Variants in SLC8A1 observed in about 807,000 individuals in gnomAD.
SLC8A1 encodes the protein solute carrier family 8 member A1, also known as sodium/calcium exchanger 1.
Under a neutral mutation model 68.3 loss-of-function variants are expected in SLC8A1, and 18 were observed. The ratio of observed to expected loss-of-function variants is 0.26; its 90% CI spans 0.18 to 0.39. SLC8A1 has a LOEUF of 0.39. Among genes scored for constraint, SLC8A1 ranks in the 10% least tolerant of loss-of-function variants. The pLI, the probability that SLC8A1 is intolerant of heterozygous loss-of-function variation, is 1.00. For synonymous variants in SLC8A1, 475 were observed against 415.5 expected (o/e 1.14, Z -1.74); for missense variants, 985 against 1,156.7 (o/e 0.85, Z 2.15).
chr2:40,480,071 G>C (rs1411139627), intron 1 of SLC8A1, among the ~76,000 whole-genome samples: 1 of 152,076 alleles, frequency 6.6e-6, no homozygotes, highest in Non-Finnish European at 1.5e-5. Context: ...AACAGTGCAC[G>C]TTTATTGTTT....
intron 2 of SLC8A1, among the ~76,000 whole-genome samples, chr2:40,241,112 C>A (rs1240404611): frequency 6.6e-6 from 1 of 152,110 alleles, no homozygotes; most frequent in Non-Finnish European, 1.5e-5. Flanking sequence ...TGCCCATCAA[C>A]AGTGGATTGG....
intron 2 of SLC8A1, among the ~76,000 whole-genome samples, chr2:40,218,714 CA>C (rs1396011632): frequency 7.5e-5 from 10 of 133,076 alleles, no homozygotes; most frequent in African/African-American, 2.6e-4. Context: ...AAGATGAAAA[CA>C]TTCTTCTGGG....
intron 2 of SLC8A1, among the ~76,000 whole-genome samples, chr2:40,361,072 G>C (rs1375020839): frequency 6.6e-6 from 1 of 152,158 alleles, no homozygotes; most frequent in East Asian, 1.9e-4. Context: ...ATCAGATAGA[G>C]TAGAGAAAAG....
chr2:40,365,847 A>AAT (rs1354270344), intron 2 of SLC8A1, among the ~76,000 whole-genome samples: 1 of 151,852 alleles, frequency 6.6e-6, no homozygotes, highest in African/African-American at 2.4e-5. Context: ...CAAAAAATTA[A>AAT]ATATATATAT....
intron 2 of SLC8A1, among the ~76,000 whole-genome samples, chr2:40,316,841 G>A: frequency 6.6e-6 from 1 of 151,888 alleles, no homozygotes. Flanking sequence ...TGTAATCTTA[G>A]TCTCATAGGG....
chr2:40,358,413 G>T (rs1203681265), intron 2 of SLC8A1, among the ~76,000 whole-genome samples: 2 of 152,102 alleles, frequency 1.3e-5, no homozygotes, highest in South Asian at 2.1e-4. Context: ...ATCGTTTCAG[G>T]TACTTAGGAA....
chr2:40,485,184 G>A (rs747469996), intron 1 of SLC8A1, among the ~76,000 whole-genome samples: 25 of 152,172 alleles, frequency 1.6e-4, no homozygotes, highest in Admixed American at 3.3e-4. Flanking sequence ...TCACGCCGCA[G>A]ACAACCTCAA....
intron 2 of SLC8A1, among the ~76,000 whole-genome samples, chr2:40,329,977 C>T (rs1167180743): frequency 6.6e-6 from 1 of 152,132 alleles, no homozygotes; most frequent in African/African-American, 2.4e-5. Flanking sequence ...ACAAGACAGC[C>T]AAGCTATTTA....
chr2:40,360,523 G>A lies in SLC8A1; in HGVS notation c.1808+67950C>T, dbSNP rs116080070. Reference sequence around the variant, plus strand: ...AACACTTCCTGAGAATGTACTGTGTGCCAGCCTGTTCTAAGCACTTTGCTT... The same window carrying A: ...AACACTTCCTGAGAATGTACTGTGTACCAGCCTGTTCTAAGCACTTTGCTT... On this transcript the variant is annotated intron_variant, in intron 2 of 7. Transcript: ENST00000406785. Among the ~76,000 whole-genome samples, 627 of 152,192 alleles carry A rather than the reference G, an allele frequency of 4.1e-3. 5 individuals carry two copies. The highest frequency in any genetic ancestry group is 0.014 in the African/African-American group (600 of 41,520).
intron 2 of SLC8A1, among the ~76,000 whole-genome samples, chr2:40,381,923 T>G (rs1247698684): frequency 1.3e-5 from 2 of 152,008 alleles, no homozygotes; most frequent in Non-Finnish European, 2.9e-5. Flanking sequence ...CTTACATTTC[T>G]TCCCTGCTCT....
chr2:40,195,359 G>A (rs1328733446), intron 2 of SLC8A1, among the ~76,000 whole-genome samples: 1 of 151,972 alleles, frequency 6.6e-6, no homozygotes, highest in East Asian at 1.9e-4. Flanking sequence ...GGGATGCTGA[G>A]GCTCAGAGGA....
intron 2 of SLC8A1, among the ~76,000 whole-genome samples, chr2:40,333,083 C>G (rs1412075791): frequency 6.6e-6 from 1 of 152,128 alleles, no homozygotes; most frequent in Non-Finnish European, 1.5e-5. Flanking sequence ...AAAATTGATT[C>G]AGCAGAATGG....
chr2:40,164,018 G>T (rs373606), intron 5 of SLC8A1, among the ~76,000 whole-genome samples: 10,189 of 152,220 alleles, frequency 0.067, 525 homozygotes, highest in East Asian at 0.16. Flanking sequence ...AAGTAAGCAG[G>T]TAAAATACTG....
At chr2:40,156,352 C>T (rs72937256) in intron 6 of SLC8A1, among the ~76,000 whole-genome samples, 2,945 of 135,528 alleles carry the variant, frequency 0.022, 107 homozygotes, top group African/African-American at 0.073. Flanking sequence ...AGAACCAAAA[C>T]TGCTGGAGTT....
chr2:40,122,288 C>T (rs980728931), intron 7 of SLC8A1, among the ~76,000 whole-genome samples: 2 of 151,980 alleles, frequency 1.3e-5, no homozygotes, highest in African/African-American at 4.8e-5. Context: ...CATCATTTGG[C>T]TTCCAAGTGA....
chr2:40,299,988 T>G (rs727477), intron 2 of SLC8A1, among the ~76,000 whole-genome samples: 60,955 of 151,848 alleles, frequency 0.4, 13,402 homozygotes, highest in African/African-American at 0.58. Flanking sequence ...GGGAAAGGAA[T>G]TGCGCATACA....
chr2:40,259,138 G>A (rs1338401388), intron 2 of SLC8A1, among the ~76,000 whole-genome samples: 4 of 152,174 alleles, frequency 2.6e-5, no homozygotes, highest in African/African-American at 9.7e-5. Context: ...ATGGCTCAGA[G>A]TTGAAATGGA....
At chr2:40,102,724 C>T (rs560285545) in exon 8 of SLC8A1, 10 of 152,220 alleles carry the variant, frequency 6.6e-5, no homozygotes, top group African/African-American at 1.4e-4. Flanking sequence ...GGCAGACATC[C>T]GCTGAAAATG....
chr2:40,448,133 A>G (rs1701788206), intron 1 of SLC8A1, among the ~76,000 whole-genome samples: 1 of 149,810 alleles, frequency 6.7e-6, no homozygotes, highest in African/African-American at 2.6e-5. Context: ...AAAATACATC[A>G]GAAAATGGAC....
Sources: gnomAD v4.1 joint callset for allele counts (sites outside exome capture counted in the v4.1 genomes callset) on GRCh38, gnomAD v4.1.1 for gene constraint, MANE v1.5 for transcripts, NCBI Gene and HGNC (gene_info 2026-07-23, HGNC 2026-07-21) for gene names.